The following UNC45B variants were observed in gnomAD, a reference collection of about 807,000 sequenced individuals.
The protein encoded by UNC45B is protein unc-45 homolog B.
UNC45B carries 78 observed loss-of-function variants against 98.7 expected under a neutral mutation model. That is an observed-to-expected ratio of 0.79 (90% CI 0.66 to 0.95). The LOEUF (loss-of-function observed/expected upper bound fraction) is 0.95, where lower values mean the gene tolerates loss of function less well. Among genes scored for constraint, UNC45B ranks in the 40% least tolerant of loss-of-function variants. The pLI, the probability that UNC45B is intolerant of heterozygous loss-of-function variation, is 0.00. For synonymous variants in UNC45B, 462 were observed against 480.4 expected, an observed-to-expected ratio of 0.96 and a Z score of 0.50; for missense variants, 1,225 against 1,184.9, an observed-to-expected ratio of 1.03 and a Z score of -0.50.
At chr17:35,167,895 A>G (rs1257232241) in intron 9 of UNC45B, among the ~76,000 whole-genome samples, 166 bp from the exon 10 acceptor site, 1 of 152,210 alleles carries the variant, frequency 6.6e-6, no homozygotes, top group Non-Finnish European at 1.5e-5. Flanking sequence ...TACTATCCTC[A>G]GTTTACAGGA....
chr17:35,166,623 TG>T (rs1193357758), intron 9 of UNC45B, among the ~76,000 whole-genome samples: 1 of 152,092 alleles, frequency 6.6e-6, no homozygotes, highest in Non-Finnish European at 1.5e-5. Flanking sequence ...GCGGGGGCTG[TG>T]TGGGGACCCA....
At chr17:35,148,890 C>A in intron 2 of UNC45B, 83 bp from the exon 3 acceptor site, 2 of 1,565,344 alleles carry the variant, frequency 1.3e-6, no homozygotes, top group South Asian at 1.1e-5. Context: ...GAAACCCTCT[C>A]CCCACACTGT....
Position 35,187,575 on chromosome 17 carries a change from T to C in UNC45B, c.*1016T>C, listed in dbSNP as rs1471195558. 6.6e-6 allele frequency: 1 copy of C among 152,218 alleles called. No individual in the cohort carries two copies. The highest frequency in any genetic ancestry group is 1.5e-5 in the Non-Finnish European group (1 of 68,046). The allele number at this position is 152,218 out of a possible 1,614,324, so 9.4% of individuals were successfully genotyped here. On this transcript the variant is annotated 3_prime_UTR_variant, in exon 20 of 20. Coordinates refer to ENST00000394570, the MANE Select transcript of UNC45B (RefSeq NM_001267052.2). The stretch of plus-strand genomic sequence containing the variant: ...GAACCAATCATATTCAGAGGTGGAA[T>C]GCTAATTGGCCAGGCCTGGGTCATA...
At chr17:35,165,478 C>T (rs997969588) in intron 9 of UNC45B, among the ~76,000 whole-genome samples, 1 of 152,212 alleles carries the variant, frequency 6.6e-6, no homozygotes, top group Non-Finnish European at 1.5e-5. Context: ...TGCTTAAAAG[C>T]ACTCCAGGTG....
chr17:35,164,115 G>A lies in UNC45B; in HGVS notation c.1100G>A (p.Arg367His), dbSNP rs747941098. ...ATCAACAAGCTCTATGATGACCTGC[G>A]CTGTGACCCGGAGCGCGATCACTTC... ...ILINKLYDDLRCDPERDHFRK... is the reference protein window; with the variant it reads ...ILINKLYDDLHCDPERDHFRK... The change falls in exon 9 of 20, where the codon CGC becomes CAC. Residue 367 changes from arginine (R) to histidine (H), a missense_variant. Arg to His is a conservative substitution (Grantham distance 29). Transcript: ENST00000394570. 27 of 1,613,710 alleles carry A rather than the reference G, an allele frequency of 1.7e-5. No homozygotes were observed. Among genetic ancestry groups the A allele is most frequent in the African/African-American group, 1.1e-4 (8 of 74,892 alleles).
rs535675865 is a variant in UNC45B at position 35,182,369 on chromosome 17, G to A, written c.2374-1058G>A. On this transcript the variant is annotated intron_variant, in intron 18 of 19. Transcript: ENST00000394570. ...CTCCCAAAGTGCTGGGATTACAGGC[G>A]TGAGCCACCGCGCCCGGCCGGGTGG... is the stretch of plus-strand genomic sequence containing the variant. Among the ~76,000 whole-genome samples the A allele has an allele frequency of 5.6e-3, 846 of 152,180 alleles. 10 individuals are homozygous for A. The highest frequency in any genetic ancestry group is 0.019 in the African/African-American group (781 of 41,542).
At chr17:35,168,687 T>C (rs1406644393) in intron 10 of UNC45B, among the ~76,000 whole-genome samples, 2 of 152,056 alleles carry the variant, frequency 1.3e-5, no homozygotes, top group Non-Finnish European at 2.9e-5. Context: ...TTCTATAAGG[T>C]ATTTTTTTTC....
In UNC45B at chr17:35,170,159, A is replaced by G; in HGVS notation, c.1593A>G (p.Ala531=). The part of the protein sequence containing the change: ...MSIDTRTRRW[A]VEGLAYLTLD... ...TAGACACTCGGACCCGACGCTGGGC[A>G]GTGGAGGGCCTGGCCTACCTCACGC... Residue 531 remains alanine, a synonymous_variant, in exon 12 of 20, where the codon GCA becomes GCG. Transcript: ENST00000394570. 4 of 1,613,806 alleles carry G rather than the reference A, an allele frequency of 2.5e-6. No individual in the cohort carries two copies. The highest frequency in any genetic ancestry group is 3.4e-6 in the Non-Finnish European group (4 of 1,179,832).
intron 13 of UNC45B, 42 bp from the exon 14 acceptor site, chr17:35,174,200 C>A (rs1421601053): frequency 6.2e-7 from 1 of 1,613,134 alleles, no homozygotes; most frequent in East Asian, 2.2e-5. Flanking sequence ...ATTGGCCTGG[C>A]ACCCAGGACC....
chr17:35,161,077 C>T (rs1010648734), intron 8 of UNC45B, among the ~76,000 whole-genome samples: 3 of 152,234 alleles, frequency 2.0e-5, no homozygotes, highest in African/African-American at 7.2e-5. Context: ...CTCCCTGCCT[C>T]ATTCTGGTCT....
intron 4 of UNC45B, among the ~76,000 whole-genome samples, chr17:35,151,663 A>C (rs1473909708): frequency 6.6e-6 from 1 of 152,170 alleles, no homozygotes; most frequent in Non-Finnish European, 1.5e-5. Context: ...AAGACTCAAT[A>C]ACTTCTACAC....
intron 5 of UNC45B, among the ~76,000 whole-genome samples, chr17:35,153,878 G>C (rs1383344623): frequency 6.6e-6 from 1 of 151,974 alleles, no homozygotes; most frequent in African/African-American, 2.4e-5. Flanking sequence ...TCAGCCCTGG[G>C]TTCTCAGGTC....
Position 35,171,342 on chromosome 17 carries a change from G to C in UNC45B, c.1710G>C (p.Leu570=), listed in dbSNP as rs1265668091. 1 of 1,614,004 alleles carries C rather than the reference G, an allele frequency of 6.2e-7. No individual in the cohort carries two copies. The highest frequency in any genetic ancestry group is 1.3e-5 in the African/African-American group (1 of 74,922). ...TCCAGACCAGTGACAAGACCATCCT[G>C]TACTCGGTGGCCACCACCCTGGTGA... ...ELAKTSDKTI[L]YSVATTLVNC... The change falls in exon 13 of 20, where the codon CTG becomes CTC. Residue 570 remains leucine, a synonymous_variant. Transcript: ENST00000394570.
At chr17:35,166,086 TAAAAAAAAAAA>T (rs55844448) in intron 9 of UNC45B, among the ~76,000 whole-genome samples, 3 of 58,116 alleles carry the variant, frequency 5.2e-5, no homozygotes, top group African/African-American at 7.1e-5. Flanking sequence ...CCCTCATCTC[TAAAAAAAAAAA>T]AAAAAAAAAA....
At chr17:35,168,487 A>T in intron 10 of UNC45B, 126 bp downstream of exon 10, 2 of 741,914 alleles carry the variant, frequency 2.7e-6, no homozygotes, top group Admixed American at 8.3e-5. Context: ...CACCAGACCC[A>T]GCCACAGACC....
At chr17:35,168,009 CT>C in intron 9 of UNC45B, 51 bp from the exon 10 acceptor site, 1 of 1,386,566 alleles carries the variant, frequency 7.2e-7, no homozygotes, top group Non-Finnish European at 9.4e-7. Context: ...ATCTCACACT[CT>C]TTCCACTCTC....
chr17:35,168,118 AG>A lies in UNC45B; in HGVS notation c.1212del (p.Ile405SerfsTer15), dbSNP rs1352283842. 2 of 1,586,620 alleles carry A rather than the reference AG, an allele frequency of 1.3e-6. No homozygotes were observed. Among genetic ancestry groups the A allele is most frequent in the Non-Finnish European group, 1.7e-6 (2 of 1,165,930 alleles). On this transcript the variant is annotated frameshift_variant, in exon 10 of 20. Transcript: ENST00000394570. LOFTEE classifies it high-confidence loss of function. The part of the protein sequence containing the change: ...KNLNAIQTVS[G>X]ILQGPFDLGN... ...ACTTGAATGCCATCCAGACAGTGTC[AG>A]GGATCCTGCAGGGCCCCTTTGACCT...
Position 35,149,494 on chromosome 17 carries a change from G to C in UNC45B, c.205+485G>C, listed in dbSNP as rs200222952. On this transcript the variant is annotated intron_variant, in intron 3 of 19. Transcript: ENST00000394570. Reference sequence around the variant, plus strand: ...TGCAATGGCATGATCTCAACTCACTGCAACCTCTGCCTCCCGGATTCAAGC... The same window carrying C: ...TGCAATGGCATGATCTCAACTCACTCCAACCTCTGCCTCCCGGATTCAAGC... Among the ~76,000 whole-genome samples the C allele has an allele frequency of 2.4e-4, 36 of 152,268 alleles. 1 individual carries two copies. In the East Asian group the frequency reaches 6.4e-3, roughly 27 times the overall value.
At chr17:35,184,292 T>C (rs1342589611) in intron 19 of UNC45B, among the ~76,000 whole-genome samples, 1 of 152,238 alleles carries the variant, frequency 6.6e-6, no homozygotes, top group African/African-American at 2.4e-5. Flanking sequence ...TGAATGTAGC[T>C]CATCCTGCAT....
Sources: allele counts gnomAD v4.1 joint callset (sites outside exome capture counted in the v4.1 genomes callset), GRCh38; gene constraint gnomAD v4.1.1; transcripts MANE v1.5; gene names NCBI Gene and HGNC (gene_info 2026-07-23, HGNC 2026-07-21).